The following HTR2C variants were observed in gnomAD, a reference collection of about 807,000 sequenced individuals.
HTR2C encodes 5-hydroxytryptamine receptor 2C.
A neutral mutation model predicts 21.0 loss-of-function variants in HTR2C; 5 were observed. That is an observed-to-expected ratio of 0.24 (90% CI 0.12 to 0.50). The LOEUF (loss-of-function observed/expected upper bound fraction) is 0.50. Ranked by LOEUF, HTR2C falls within the 20% of genes least tolerant of loss-of-function variation. The pLI, the probability that HTR2C is intolerant of heterozygous loss-of-function variation, is 0.98. For synonymous variants in HTR2C, 150 were observed against 145.3 expected (o/e 1.03, Z -0.23); for missense variants, 271 against 371.2 (o/e 0.73, Z 2.22).
At chrX:114,892,883 C>T (rs1219545193) in intron 5 of HTR2C, among the ~76,000 whole-genome samples, 2 of 108,771 alleles carry the variant, frequency 1.8e-5, no homozygotes, top group Non-Finnish European at 3.8e-5. Context: ...CAGAAACTGA[C>T]AAACTGATTT....
chrX:114,639,958 G>A (rs781821965), intron 2 of HTR2C, among the ~76,000 whole-genome samples: 1 of 111,629 alleles, frequency 9.0e-6, no homozygotes, highest in African/African-American at 3.2e-5. Context: ...AAGCCAGGAA[G>A]TAAGATTGCT....
intron 4 of HTR2C, among the ~76,000 whole-genome samples, chrX:114,835,337 G>A (rs1482384495): frequency 9.3e-6 from 1 of 106,978 alleles, no homozygotes. Flanking sequence ...TCACTTTCAG[G>A]TACACCAATC....
intron 2 of HTR2C, among the ~76,000 whole-genome samples, chrX:114,638,128 A>G (rs1363244060): frequency 8.9e-6 from 1 of 111,758 alleles, no homozygotes; most frequent in Non-Finnish European, 1.9e-5. Context: ...TGATTTTTCC[A>G]AACAAACCTA....
intron 5 of HTR2C, among the ~76,000 whole-genome samples, chrX:114,885,567 C>A (rs144236994): frequency 0.036 from 4,054 of 111,361 alleles, 190 homozygotes; most frequent in African/African-American, 0.13. Flanking sequence ...GTATCTTGCA[C>A]TTTAATTTTA....
At chrX:114,860,171 T>A (rs371372538) in intron 5 of HTR2C, among the ~76,000 whole-genome samples, 30 of 111,921 alleles carry the variant, frequency 2.7e-4, no homozygotes, top group African/African-American at 9.4e-4. Context: ...GTTTTGTAAC[T>A]TTTCTATGTG....
chrX:114,606,305 G>C lies in HTR2C; in HGVS notation c.-146-7510G>C, dbSNP rs974950226. ...CAGAGAAGGGGTAGAGACAAGGAGA[G>C]AAGGGGTTGAGCTACTTGCCCCTTC... is the stretch of plus-strand genomic sequence containing the variant. On this transcript the variant is annotated intron_variant, in intron 1 of 5. Transcript: ENST00000276198. Among the ~76,000 whole-genome samples, 8 of 111,042 alleles carry C rather than the reference G, an allele frequency of 7.2e-5. No individual in the cohort carries two copies. The East Asian group carries it at 8.6e-4, about 12-fold the overall frequency.
intron 2 of HTR2C, among the ~76,000 whole-genome samples, chrX:114,702,984 GGGA>G (rs1556417151): frequency 5.6e-5 from 4 of 71,489 alleles, no homozygotes; most frequent in African/African-American, 1.8e-4. Flanking sequence ...TAACGGTAAA[GGGA>G]TCAGTTCAAC....
chrX:114,663,747 T>C (rs897713708), intron 2 of HTR2C, among the ~76,000 whole-genome samples: 2 of 111,482 alleles, frequency 1.8e-5, no homozygotes, highest in Non-Finnish European at 3.8e-5. Context: ...AGGTAGTAAA[T>C]CCACTTACCT....
chrX:114,600,656 TATA>T (rs1263658689), intron 1 of HTR2C, among the ~76,000 whole-genome samples: 9 of 111,562 alleles, frequency 8.1e-5, no homozygotes, highest in Admixed American at 1.9e-4. Flanking sequence ...AAAAGGCAGT[TATA>T]ATAACACAGG....
intron 1 of HTR2C, among the ~76,000 whole-genome samples, chrX:114,604,840 G>A (rs2147797865): frequency 9.0e-6 from 1 of 111,507 alleles, no homozygotes; most frequent in South Asian, 3.8e-4. Flanking sequence ...CTTGTGTGCT[G>A]GAGATGTGGC....
At chrX:114,834,689 C>A (rs1289899930) in intron 4 of HTR2C, among the ~76,000 whole-genome samples, 3 of 103,706 alleles carry the variant, frequency 2.9e-5, no homozygotes, top group African/African-American at 1.1e-4. Context: ...TTAATTGGAG[C>A]ATTTAGTCCA....
At chrX:114,861,833 GT>G (rs1237713978) in intron 5 of HTR2C, among the ~76,000 whole-genome samples, 1 of 110,845 alleles carries the variant, frequency 9.0e-6, no homozygotes, top group Non-Finnish European at 1.9e-5. Flanking sequence ...CAGGATATTT[GT>G]TTTTCCATTA....
At chrX:114,791,649 C>T (rs1198882388) in intron 4 of HTR2C, among the ~76,000 whole-genome samples, 1 of 110,900 alleles carries the variant, frequency 9.0e-6, no homozygotes, top group East Asian at 2.8e-4. Flanking sequence ...TTCATTCATT[C>T]ATTCAGATAC....
At chrX:114,792,720 T>C (rs2070246724) in intron 4 of HTR2C, among the ~76,000 whole-genome samples, 1 of 111,878 alleles carries the variant, frequency 8.9e-6, no homozygotes, top group South Asian at 3.7e-4. Context: ...GTTGAACTAA[T>C]TTCATTCCCA....
intron 2 of HTR2C, among the ~76,000 whole-genome samples, chrX:114,725,241 C>T (rs1933407700): frequency 9.0e-6 from 1 of 110,947 alleles, no homozygotes; most frequent in Admixed American, 9.6e-5. Context: ...CTCTAAACTT[C>T]CCTTCTCGCT....
intron 4 of HTR2C, chrX:114,823,713 G>C: frequency 3.8e-6 from 1 of 261,708 alleles, no homozygotes; most frequent in Non-Finnish European, 7.3e-6. Flanking sequence ...TATGACCTTG[G>C]CTCATAAGAG....
chrX:114,636,359 T>C (rs1458198335), intron 2 of HTR2C, among the ~76,000 whole-genome samples: 2 of 111,524 alleles, frequency 1.8e-5, no homozygotes, highest in Admixed American at 1.9e-4. Context: ...TCAGTATGGA[T>C]TATACATCAC....
At chrX:114,850,036 C>T (rs1490817428) in intron 5 of HTR2C, among the ~76,000 whole-genome samples, 1 of 111,795 alleles carries the variant, frequency 8.9e-6, no homozygotes, top group African/African-American at 3.3e-5. Flanking sequence ...ATCTTAAACA[C>T]TTCAGCAAGA....
At chrX:114,873,644 C>T (rs2071109305) in intron 5 of HTR2C, among the ~76,000 whole-genome samples, 2 of 111,114 alleles carry the variant, frequency 1.8e-5, no homozygotes, top group African/African-American at 6.5e-5. Context: ...TATTTTCTGT[C>T]CAGCTTTAAG....
Sources: allele counts gnomAD v4.1 joint callset (sites outside exome capture counted in the v4.1 genomes callset), GRCh38; gene constraint gnomAD v4.1.1; transcripts MANE v1.5; gene names NCBI Gene and HGNC (gene_info 2026-07-23, HGNC 2026-07-21).